The following SKOR2 variants were observed in gnomAD, a reference collection of about 807,000 sequenced individuals.
The protein encoded by SKOR2 is LBX1 corepressor 1-like protein.
In SKOR2, 47 loss-of-function variants were observed where a neutral mutation model predicts 69.1. That is an observed-to-expected ratio of 0.68 (90% CI 0.54 to 0.87). The LOEUF (loss-of-function observed/expected upper bound fraction) is 0.87, where lower values mean the gene tolerates loss of function less well. Among genes scored for constraint, SKOR2 ranks in the 40% least tolerant of loss-of-function variants. The probability of loss-of-function intolerance (pLI) is 0.00; values close to 1 mark genes in which losing one functional copy is unlikely to be tolerated. For synonymous variants in SKOR2, 717 were observed against 672.6 expected, an observed-to-expected ratio of 1.07 and a Z score of -1.02; for missense variants, 1,404 against 1,472.2, an observed-to-expected ratio of 0.95 and a Z score of 0.76.
intron 6 of SKOR2, among the ~76,000 whole-genome samples, chr18:47,223,895 T>C (rs977301346): frequency 5.2e-5 from 7 of 135,150 alleles, no homozygotes; most frequent in Non-Finnish European, 1.1e-4. Flanking sequence ...TAAAATTTTT[T>C]CTATGTTCTT....
rs141554633 is a variant in SKOR2 at position 47,221,395 on chromosome 18, G to C, written c.2918-1385C>G. Among the ~76,000 whole-genome samples, 309 of 152,272 alleles carry C rather than the reference G, an allele frequency of 2.0e-3. 1 individual carries two copies. The highest frequency in any genetic ancestry group is 7.0e-3 in the African/African-American group (291 of 41,560). ...TGCTTGAGCAGACACGTGGAGAACA[G>C]CATTCTACATAAAGACATGGAAGGA... On this transcript the variant is annotated intron_variant, in intron 6 of 8. Transcript: ENST00000425639.
chr18:47,217,328 G>A (rs1347502569), intron 7 of SKOR2, among the ~76,000 whole-genome samples: 1 of 152,144 alleles, frequency 6.6e-6, no homozygotes, highest in Non-Finnish European at 1.5e-5. Context: ...AAGGCCCTAG[G>A]TTAAACCTTA....
intron 8 of SKOR2, 84 bp from the exon 9 acceptor site, chr18:47,206,976 T>A (rs1411869365): frequency 6.6e-6 from 1 of 152,200 alleles, no homozygotes. Context: ...ATATTTAGTA[T>A]ACCCTCCTTA....
chr18:47,247,405 GCCAGACCCGGCGGCCGCGGCC>G lies in SKOR2; in HGVS notation c.1758_1778del (p.Ala587_Gly593del), dbSNP rs1013716405. ...GCGCCGGAACCCGGGAGCCCGCGGG[GCCAGACCCGGCGGCCGCGGCC>G]CCTGCCCCGGCAGCTGCCACAGAGT... On this transcript the variant is annotated inframe_deletion, in exon 2 of 9. Coordinates refer to ENST00000425639, the MANE Select transcript of SKOR2 (RefSeq NM_001278063.4). This position sits in a 1 kb window ranked among gnomAD's most constrained non-coding sequence, Gnocchi z 6.6. 6.0e-6 allele frequency: 8 copies of G among 1,326,810 alleles called. No individual in the cohort carries two copies. In the Admixed American group the frequency reaches 3.1e-4, roughly 52 times the overall value. 82.2% of individuals were successfully genotyped at this position (1,326,810 alleles called of 1,614,324 possible).
chr18:47,217,985 C>T (rs2144483454), intron 7 of SKOR2, among the ~76,000 whole-genome samples: 1 of 152,208 alleles, frequency 6.6e-6, no homozygotes, highest in South Asian at 2.1e-4. Context: ...TATAAGACAG[C>T]ATAATAAAAT....
intron 4 of SKOR2, among the ~76,000 whole-genome samples, chr18:47,236,177 G>C (rs2064222778): frequency 1.3e-5 from 2 of 152,078 alleles, no homozygotes; most frequent in African/African-American, 4.8e-5. Flanking sequence ...TTTTTGTAGA[G>C]ACGGGGTTTC....
chr18:47,231,245 T>G, intron 4 of SKOR2: 1 of 1,404,614 alleles, frequency 7.1e-7, no homozygotes, highest in Non-Finnish European at 9.7e-7. Context: ...AGCAGATTCT[T>G]GAAGTTATTC....
chr18:47,248,837 C>T lies in SKOR2; in HGVS notation c.347G>A (p.Gly116Asp). 1 of 1,560,786 alleles carries T rather than the reference C, an allele frequency of 6.4e-7. No individual in the cohort carries two copies. Among genetic ancestry groups the T allele is most frequent in the Non-Finnish European group, 8.6e-7 (1 of 1,160,922 alleles). Residue 116 changes from glycine (G) to aspartate (D), a missense_variant, in exon 2 of 9, where the codon GGC (glycine) becomes GAC (aspartate). By Grantham distance (94) the Gly-to-Asp change is moderately conservative. Around this residue, in one of 3 missense-constraint regions of SKOR2, gnomAD observed 1,266 missense variants for 1,309.9 expected, o/e 0.97. Transcript: ENST00000425639. This position sits in a 1 kb window ranked among gnomAD's most constrained non-coding sequence, Gnocchi z 6.4. The part of the protein sequence containing the change: ...GAMPISSRRC[G>D]MITKREAERL... ...CTCGGCCTCGCGTTTGGTGATCATG[C>T]CGCAGCGGCGCGATGAGATGGGCAT...
At chr18:47,244,231 C>G (rs535403445) in intron 4 of SKOR2, among the ~76,000 whole-genome samples, 1 of 152,272 alleles carries the variant, frequency 6.6e-6, no homozygotes, top group East Asian at 1.9e-4. Context: ...ATTTGACAGG[C>G]AAATTTGCAG....
At position 47,248,377 on chromosome 18, in the gene SKOR2, CGCGGCCGCGGCGGCCACG is replaced by C. The variant is rs905416499; in HGVS notation, c.789_806del (p.Ala266_Ala271del). Reference sequence around the variant, plus strand: ...CCAGCAGACCCCCGCCTCCGGCCACCGCGGCCGCGGCGGCCACGGCGGCCGCCTTCACAGAGCTGAGCG... The same window carrying C: ...CCAGCAGACCCCCGCCTCCGGCCACCGCGGCCGCCTTCACAGAGCTGAGCG... On this transcript the variant is annotated inframe_deletion, in exon 2 of 9. Transcript: ENST00000425639. This position sits in a 1 kb window ranked among gnomAD's most constrained non-coding sequence, Gnocchi z 6.4. 46 of 1,295,412 alleles carry C rather than the reference CGCGGCCGCGGCGGCCACG, an allele frequency of 3.6e-5. No individual in the cohort carries two copies. The highest frequency in any genetic ancestry group is 1.6e-4 in the African/African-American group (10 of 63,474). 80.2% of individuals were successfully genotyped at this position (1,295,412 alleles called of 1,614,324 possible).
chr18:47,247,764 G>A lies in SKOR2; in HGVS notation c.1420C>T (p.Arg474Trp). The A allele has an allele frequency of 3.6e-6, 5 of 1,382,684 alleles. No individual in the cohort carries two copies. Among genetic ancestry groups the A allele is most frequent in the Non-Finnish European group, 3.7e-6 (4 of 1,077,554 alleles). 85.7% of individuals were successfully genotyped at this position (1,382,684 alleles called of 1,614,324 possible). A position where few individuals can be genotyped will look rare whatever the true frequency, so the allele number is the denominator to read the frequency against. ...GGCACCGGGAGCCCGCCAGGGGTCC[G>A]CGGCGGCCAGAACATGCAGAAGGGC... Reference protein sequence around the residue: ...YPPFCMFWPPRTPGGLPVPTY... With the variant: ...YPPFCMFWPPWTPGGLPVPTY... The change falls in exon 2 of 9, where the codon CGG becomes TGG. Residue 474 changes from arginine (R) to tryptophan (W), a missense_variant. Physicochemically the swap from Arg to Trp is moderately radical, Grantham distance 101. Coordinates refer to ENST00000425639, the MANE Select transcript of SKOR2 (RefSeq NM_001278063.4). The surrounding 1 kb of genome is among the most constrained non-coding windows in gnomAD (Gnocchi z 6.6).
intron 4 of SKOR2, among the ~76,000 whole-genome samples, chr18:47,243,562 C>T (rs902493761): frequency 1.3e-5 from 2 of 152,134 alleles, no homozygotes; most frequent in Admixed American, 1.3e-4. Flanking sequence ...TCCTTGGTAG[C>T]AATGCTTTCC....
intron 4 of SKOR2, among the ~76,000 whole-genome samples, chr18:47,240,713 A>G (rs2064244671): frequency 6.6e-6 from 1 of 152,230 alleles, no homozygotes; most frequent in African/African-American, 2.4e-5. Context: ...ATGAACTAAA[A>G]TATCAACTGG....
Position 47,249,109 on chromosome 18 carries a change from C to T in SKOR2, c.75G>A (p.Thr25=), listed in dbSNP as rs1298036276. ...ASPSSAFQPD[T]LSQPRPGHAN... ...CGTGCCCTGGCCGCGGCTGGCTCAG[C>T]GTGTCGGGCTGGAAGGCGCTCGACG... The change falls in exon 2 of 9, where the codon ACG becomes ACA. Residue 25 remains threonine (T), a synonymous_variant. Transcript: ENST00000425639. 9.8e-6 allele frequency: 15 copies of T among 1,536,140 alleles called. No individual in the cohort carries two copies. Among genetic ancestry groups the T allele is most frequent in the Middle Eastern group, 1.7e-4 (1 of 5,990 alleles).
At chr18:47,232,844 T>G (rs2064205143) in intron 4 of SKOR2, among the ~76,000 whole-genome samples, 1 of 152,274 alleles carries the variant, frequency 6.6e-6, no homozygotes, top group South Asian at 2.1e-4. Context: ...AAAACCAAAA[T>G]GTAATGGCCC....
chr18:47,247,416 C>T lies in SKOR2; in HGVS notation c.1768G>A (p.Ala590Thr), dbSNP rs1169202184. Residue 590 changes from alanine to threonine, a missense_variant, in exon 2 of 9, where the codon GCC becomes ACC. By Grantham distance (58) the Ala-to-Thr change is moderately conservative. Around this residue, in one of 3 missense-constraint regions of SKOR2, gnomAD observed 1,266 missense variants for 1,309.9 expected, o/e 0.97. Transcript: ENST00000425639. This position sits in a 1 kb window ranked among gnomAD's most constrained non-coding sequence, Gnocchi z 6.6. ...VAAAGAGAAA[A>T]GSGPAGSRVP... ...CGGGAGCCCGCGGGGCCAGACCCGG[C>T]GGCCGCGGCCCCTGCCCCGGCAGCT... 10 of 1,300,254 alleles carry T rather than the reference C, an allele frequency of 7.7e-6. No homozygotes were observed. The Admixed American group carries it at 3.7e-4, about 48-fold the overall frequency. The allele number at this position is 1,300,254 out of a possible 1,614,324, so 80.5% of individuals were successfully genotyped here. A position where few individuals can be genotyped will look rare whatever the true frequency, so the allele number is the denominator to read the frequency against.
chr18:47,248,077 A>C lies in SKOR2; in HGVS notation c.1107T>G (p.Gly369=), dbSNP rs2064290341. 1 of 1,386,852 alleles carries C rather than the reference A, an allele frequency of 7.2e-7. No homozygotes were observed. The highest frequency in any genetic ancestry group is 1.6e-5 in the South Asian group (1 of 63,026). The allele number at this position is 1,386,852 out of a possible 1,614,324, so 85.9% of individuals were successfully genotyped here. ...GVGVGAGAGA[G]AGAGAKGPRS... is the part of the protein sequence containing the mutation. ...GCGGGCCTTTGGCCCCTGCCCCGGCACCCGCCCCCGCGCCCGCGCCCACGC... is the reference window on the plus strand; with the variant it reads ...GCGGGCCTTTGGCCCCTGCCCCGGCCCCCGCCCCCGCGCCCGCGCCCACGC... Residue 369 remains glycine, a synonymous_variant, in exon 2 of 9, where the codon GGT becomes GGG. Transcript: ENST00000425639. This position sits in a 1 kb window ranked among gnomAD's most constrained non-coding sequence, Gnocchi z 6.4.
intron 6 of SKOR2, among the ~76,000 whole-genome samples, chr18:47,224,766 C>T (rs1284520014): frequency 6.6e-6 from 1 of 152,008 alleles, no homozygotes; most frequent in African/African-American, 2.4e-5. Flanking sequence ...CTGTGCATGC[C>T]ACCACACTTG....
chr18:47,245,455 G>T, intron 3 of SKOR2, 43 bp downstream of exon 3: 2 of 1,426,942 alleles, frequency 1.4e-6, no homozygotes, highest in East Asian at 2.7e-5. Flanking sequence ...ATGGTTAAAT[G>T]CAGGCAAGAA....
Sources: allele counts gnomAD v4.1 joint callset (sites outside exome capture counted in the v4.1 genomes callset), GRCh38; gene constraint gnomAD v4.1.1; regional missense constraint gnomAD v4.1.1; non-coding constraint Gnocchi (gnomAD v3.1); transcripts MANE v1.5; gene names NCBI Gene and HGNC (gene_info 2026-07-23, HGNC 2026-07-21).